The following WWOX variants were observed in gnomAD, a reference collection of about 807,000 sequenced individuals.
WWOX encodes WW domain-containing oxidoreductase.
WWOX carries 69 observed loss-of-function variants against 46.2 expected under a neutral mutation model. The observed-to-expected ratio is 1.49, with a 90% CI of 1.23 to 1.82. The LOEUF is 1.82. Ranked by LOEUF, WWOX falls within the 40% of genes most tolerant of loss-of-function variation. WWOX has a pLI of 0.00. For synonymous variants in WWOX, 359 were observed against 202.6 expected (o/e 1.77, Z -6.56); for missense variants, 919 against 542.6 (o/e 1.69, Z -6.89).
intron 6 of WWOX, among the ~76,000 whole-genome samples, chr16:78,400,282 T>C (rs970229640): frequency 6.6e-6 from 1 of 152,144 alleles, no homozygotes; most frequent in African/African-American, 2.4e-5. Context: ...AGGTGACAAA[T>C]TACACAGCTT....
intron 8 of WWOX, among the ~76,000 whole-genome samples, chr16:78,774,772 C>T (rs1208988241): frequency 6.6e-6 from 1 of 152,156 alleles, no homozygotes; most frequent in South Asian, 2.1e-4. Flanking sequence ...AAGGCAATTC[C>T]TGGCACATGG....
At chr16:79,002,464 C>T (rs11865458) in intron 8 of WWOX, among the ~76,000 whole-genome samples, 94,896 of 151,850 alleles carry the variant, frequency 0.62, 31,249 homozygotes, top group Non-Finnish European at 0.72. Flanking sequence ...CTCAGGTGAT[C>T]CACCTGCCTT....
chr16:78,803,399 A>G (rs762586076), intron 8 of WWOX, among the ~76,000 whole-genome samples: 1 of 152,112 alleles, frequency 6.6e-6, no homozygotes, highest in South Asian at 2.1e-4. Flanking sequence ...TCTGTTTTAT[A>G]TGGAGGTTTT....
intron 8 of WWOX, among the ~76,000 whole-genome samples, chr16:78,997,954 G>A (rs995135877): frequency 9.2e-5 from 14 of 152,070 alleles, no homozygotes; most frequent in Admixed American, 5.2e-4. Flanking sequence ...TCAGCTCACA[G>A]CAATCTCTGC....
chr16:78,208,119 G>C (rs1199173122), intron 5 of WWOX, among the ~76,000 whole-genome samples: 1 of 152,208 alleles, frequency 6.6e-6, no homozygotes, highest in East Asian at 1.9e-4. Flanking sequence ...GGCCTCAGCA[G>C]TGCTCTTCTG....
intron 4 of WWOX, among the ~76,000 whole-genome samples, chr16:78,131,850 C>CT (rs1418920575): frequency 1.3e-5 from 2 of 151,204 alleles, no homozygotes; most frequent in Non-Finnish European, 2.9e-5. Context: ...TCCCAAAGTG[C>CT]TGGGATTACA....
rs1597133391 is a variant in WWOX at position 78,906,577 on chromosome 16, C to T, written c.1057-305031C>T. On this transcript the variant is annotated intron_variant, in intron 8 of 8. Coordinates refer to ENST00000566780, the MANE Select transcript of WWOX (RefSeq NM_016373.4). ...GAGAACTGCATAAATATACATCTTT[C>T]AGGGGAAGAGGGAGAACCTGGAGAA... 2.0e-5 allele frequency among the ~76,000 whole-genome samples: 3 copies of T among 152,120 alleles called. No homozygotes were observed. In the South Asian group the frequency reaches 6.2e-4, roughly 32 times the overall value.
At chr16:78,779,443 C>T (rs1202991267) in intron 8 of WWOX, among the ~76,000 whole-genome samples, 1 of 152,152 alleles carries the variant, frequency 6.6e-6, no homozygotes, top group Admixed American at 6.5e-5. Flanking sequence ...GCCCCCCTTT[C>T]TTCTTTTTTA....
intron 5 of WWOX, among the ~76,000 whole-genome samples, chr16:78,215,954 G>T (rs2036705711): frequency 1.3e-5 from 2 of 151,668 alleles, no homozygotes; most frequent in Non-Finnish European, 2.9e-5. Flanking sequence ...TTAATACAAT[G>T]ATCTGTGAGA....
In WWOX at chr16:78,885,746, T is replaced by C. The variant is rs375869208; in HGVS notation, c.1057-325862T>C. On this transcript the variant is annotated intron_variant, in intron 8 of 8. Transcript: ENST00000566780. ...GGCAGAAGATGAAGGGGGAAAGTTT[T>C]TTTTTTAACTGATAGTTTGATTTAC... 3.3e-4 allele frequency among the ~76,000 whole-genome samples: 51 copies of C among 152,296 alleles called. 2 individuals are homozygous for C. The South Asian group carries it at 0.01, about 31-fold the overall frequency.
At chr16:78,966,102 C>G (rs1445036831) in intron 8 of WWOX, among the ~76,000 whole-genome samples, 1 of 152,166 alleles carries the variant, frequency 6.6e-6, no homozygotes, top group Non-Finnish European at 1.5e-5. Flanking sequence ...TGCGTGGCTT[C>G]TTACCTATCA....
At chr16:78,955,710 A>G (rs1865124213) in intron 8 of WWOX, among the ~76,000 whole-genome samples, 1 of 151,012 alleles carries the variant, frequency 6.6e-6, no homozygotes, top group Non-Finnish European at 1.5e-5. Context: ...GATGGAGTGC[A>G]GTGGCCCAAT....
intron 8 of WWOX, among the ~76,000 whole-genome samples, chr16:78,658,374 T>A (rs1008463030): frequency 1.3e-5 from 2 of 152,234 alleles, no homozygotes; most frequent in African/African-American, 4.8e-5. Flanking sequence ...ACTTGCCATG[T>A]AGTCACTAAT....
At chr16:78,526,755 G>C (rs2043479548) in intron 8 of WWOX, among the ~76,000 whole-genome samples, 1 of 152,168 alleles carries the variant, frequency 6.6e-6, no homozygotes, top group African/African-American at 2.4e-5. Flanking sequence ...ACTAGGAGTT[G>C]AGGGCAACAG....
At chr16:78,358,216 C>CA (rs375469488) in intron 5 of WWOX, among the ~76,000 whole-genome samples, 11 of 151,638 alleles carry the variant, frequency 7.3e-5, no homozygotes, top group South Asian at 2.1e-4. Context: ...CTTGTATTTA[C>CA]AAAAAAAAGA....
At chr16:78,371,044 T>C (rs573500669) in intron 5 of WWOX, among the ~76,000 whole-genome samples, 2 of 151,328 alleles carry the variant, frequency 1.3e-5, no homozygotes, top group Admixed American at 1.3e-4. Context: ...TCCTCACTTT[T>C]TTCTTTGCTG....
At chr16:78,278,649 T>G (rs201339928) in intron 5 of WWOX, 159 of 1,610,490 alleles carry the variant, frequency 9.9e-5, no homozygotes, top group Non-Finnish European at 1.3e-4. Flanking sequence ...ATAAAAATTT[T>G]CCACTAGCAA....
intron 8 of WWOX, among the ~76,000 whole-genome samples, chr16:78,632,718 C>G (rs1410991094): frequency 6.6e-6 from 1 of 151,666 alleles, no homozygotes; most frequent in South Asian, 2.1e-4. Context: ...GCCACCACGC[C>G]CAGCTGATTT....
chr16:78,789,205 G>C (rs369882204), intron 8 of WWOX, among the ~76,000 whole-genome samples: 6 of 152,014 alleles, frequency 3.9e-5, no homozygotes, highest in African/African-American at 1.4e-4. Flanking sequence ...GAGAGCAGAA[G>C]GGAAACATGG....
Sources: gnomAD v4.1 joint callset for allele counts (sites outside exome capture counted in the v4.1 genomes callset) on GRCh38, gnomAD v4.1.1 for gene constraint, MANE v1.5 for transcripts, NCBI Gene and HGNC (gene_info 2026-07-23, HGNC 2026-07-21) for gene names.